DNAH9: variants seen among roughly 807,000 people sequenced by gnomAD.
DNAH9 encodes dynein axonemal heavy chain 9, also known as DNAH9 variant protein.
In DNAH9, 345 loss-of-function variants were observed where a neutral mutation model predicts 471.6. The ratio of observed to expected loss-of-function variants is 0.73; its 90% CI spans 0.67 to 0.80. The LOEUF is 0.80. Ranked by LOEUF, DNAH9 falls within the 30% of genes least tolerant of loss-of-function variation. DNAH9 has a pLI of 0.00. For synonymous variants in DNAH9, 2,093 were observed against 2,123.6 expected, an observed-to-expected ratio of 0.99 and a Z score of 0.40; for missense variants, 5,407 against 5,609.2, an observed-to-expected ratio of 0.96 and a Z score of 1.15.
chr17:11,839,301 G>A (rs186498019), intron 49 of DNAH9, among the ~76,000 whole-genome samples: 1,741 of 152,202 alleles, frequency 0.011, 28 homozygotes, highest in African/African-American at 0.038. Context: ...CGGATCACGA[G>A]GTCAGGAGAT....
chr17:11,905,572 T>C lies in DNAH9; in HGVS notation c.11601-89T>C, dbSNP rs1262177584. 8 of 1,420,518 alleles carry C rather than the reference T, an allele frequency of 5.6e-6. No homozygotes were observed. In the African/African-American group the frequency reaches 1.1e-4, roughly 20 times the overall value. The allele number at this position is 1,420,518 out of a possible 1,614,324, so 88.0% of individuals were successfully genotyped here. ...CTAGCCCATGACCTTGAGCATGTTC[T>C]TTCATTTCTATAGGCCTCTATTTCT... On this transcript the variant is annotated intron_variant, in intron 60 of 68. Transcript: ENST00000262442.
chr17:11,730,526 G>A lies in DNAH9; in HGVS notation c.5814+2604G>A, dbSNP rs771389077. Among the ~76,000 whole-genome samples the A allele has an allele frequency of 9.9e-5, 15 of 152,236 alleles. No individual in the cohort carries two copies. In the South Asian group the frequency reaches 3.1e-3, roughly 32 times the overall value. ...TGGTCACTTCACAACCTGGAATAAGGAATAATGCCAGTGTTCAATGCTGTC... is the reference window on the plus strand; with the variant it reads ...TGGTCACTTCACAACCTGGAATAAGAAATAATGCCAGTGTTCAATGCTGTC... On this transcript the variant is annotated intron_variant, in intron 28 of 68. Transcript: ENST00000262442.
At position 11,733,783 on chromosome 17, in the gene DNAH9, C is replaced by G. The variant is rs1217070393; in HGVS notation, c.5815-5097C>G. Among the ~76,000 whole-genome samples, 3 of 146,598 alleles carry G rather than the reference C, an allele frequency of 2.0e-5. No individual in the cohort carries two copies. In the Admixed American group the frequency reaches 2.1e-4, roughly 10 times the overall value. On this transcript the variant is annotated intron_variant, in intron 28 of 68. Transcript: ENST00000262442. ...TGAGGCAGGGGAATGGCGGTGTGAA[C>G]CCGGGAGGTGGAGCTTGCAGTGAGC...
At chr17:11,820,933 A>AT (rs112467608) in intron 45 of DNAH9, among the ~76,000 whole-genome samples, 2,723 of 152,108 alleles carry the variant, frequency 0.018, 72 homozygotes, top group African/African-American at 0.062. Flanking sequence ...ATTTCCCTGC[A>AT]TTTTTTATAG....
At chr17:11,794,772 A>C (rs1969185091) in intron 42 of DNAH9, among the ~76,000 whole-genome samples, 1 of 152,184 alleles carries the variant, frequency 6.6e-6, no homozygotes, top group Non-Finnish European at 1.5e-5. Context: ...GTTTTGCTAC[A>C]AGATACTTCT....
rs1261911831 is a variant in DNAH9, at chr17:11,747,781, C to A, written c.6610+15C>A. On this transcript the variant is annotated intron_variant, in intron 32 of 68. Coordinates refer to ENST00000262442, the MANE Select transcript of DNAH9 (RefSeq NM_001372.4). ...ATGGAAGGATGGTAAGAGTGGGATT[C>A]TCCCAGGAGAAAGTCTCTGCTAGCC... 6.2e-7 allele frequency: 1 copy of A among 1,607,574 alleles called. No homozygotes were observed. Among genetic ancestry groups the A allele is most frequent in the East Asian group, 2.2e-5 (1 of 44,812 alleles).
Position 11,902,780 on chromosome 17 carries a change from G to C in DNAH9, c.11468G>C (p.Ser3823Thr), listed in dbSNP as rs757955189. The change falls in exon 60 of 69, where the codon AGC (serine) becomes ACC (threonine). Residue 3823 changes from serine to threonine, a missense_variant. By Grantham distance (58) the Ser-to-Thr change is moderately conservative. Around this residue, in one of 3 missense-constraint regions of DNAH9, gnomAD observed 4,636 missense variants for 4,900.3 expected, o/e 0.95. Coordinates refer to ENST00000262442, the MANE Select transcript of DNAH9 (RefSeq NM_001372.4). ...CGGGACATAGAGGGATCTGCTAAGAGCTGGAAAAAGTTTGTGGAGTCCGAA... is the reference window on the plus strand; with the variant it reads ...CGGGACATAGAGGGATCTGCTAAGACCTGGAAAAAGTTTGTGGAGTCCGAA... ...LDRDIEGSAK[S>T]WKKFVESECP... The C allele has an allele frequency of 5.0e-6, 8 of 1,613,928 alleles. No individual in the cohort carries two copies. Among genetic ancestry groups the C allele is most frequent in the East Asian group, 2.2e-5 (1 of 44,884 alleles).
At chr17:11,855,398 T>C (rs977567406) in intron 50 of DNAH9, among the ~76,000 whole-genome samples, 1 of 152,226 alleles carries the variant, frequency 6.6e-6, no homozygotes, top group Non-Finnish European at 1.5e-5. Context: ...TTTCACTTCC[T>C]TTCCAAAGAG....
intron 49 of DNAH9, among the ~76,000 whole-genome samples, chr17:11,847,895 G>C (rs1006300418): frequency 6.6e-6 from 1 of 151,682 alleles, no homozygotes. Context: ...TGAGATCCCG[G>C]TAGTCATTTC....
In DNAH9 at chr17:11,793,654, AAACTT is replaced by A; in HGVS notation, c.8214_8218del (p.Lys2738AsnfsTer2). On this transcript the variant is annotated frameshift_variant, in exon 42 of 69. Transcript: ENST00000262442. LOFTEE classifies it high-confidence loss of function. ...AAAATCCAGACAGAAGTGCTCAAGA[AAACTT>A]TTGATGTGAGTATTGCCCTATGGAT... The A allele has an allele frequency of 5.6e-6, 9 of 1,611,148 alleles. No homozygotes were observed. Among genetic ancestry groups the A allele is most frequent in the Non-Finnish European group, 7.6e-6 (9 of 1,179,176 alleles).
chr17:11,899,952 A>T (rs1012066785), intron 59 of DNAH9, among the ~76,000 whole-genome samples: 1 of 152,212 alleles, frequency 6.6e-6, no homozygotes, highest in African/African-American at 2.4e-5. Flanking sequence ...TGTGGGAGTA[A>T]CAGGCAAGTA....
At chr17:11,647,422 A>G (rs541649351) in intron 12 of DNAH9, among the ~76,000 whole-genome samples, 1 of 152,146 alleles carries the variant, frequency 6.6e-6, no homozygotes, top group African/African-American at 2.4e-5. Flanking sequence ...TTATAAGAAC[A>G]TGCAAAAGAT....
chr17:11,821,515 G>GC (rs1970308974), intron 45 of DNAH9, among the ~76,000 whole-genome samples: 1 of 151,934 alleles, frequency 6.6e-6, no homozygotes, highest in Non-Finnish European at 1.5e-5. Flanking sequence ...GTTTGTTATG[G>GC]CCCTTTTTGC....
chr17:11,902,856 G>T lies in DNAH9; in HGVS notation c.11544G>T (p.Leu3848=). Reference sequence around the variant, plus strand: ...AGGAGTGGAAGAACAAGACAGCCCTGCAGCGCCTCTGCATGCTGAGAGCCA... The same window carrying T: ...AGGAGTGGAAGAACAAGACAGCCCTTCAGCGCCTCTGCATGCTGAGAGCCA... ...LPQEWKNKTA[L]QRLCMLRAMR... Residue 3848 remains leucine (L), a synonymous_variant, in exon 60 of 69, where the codon CTG becomes CTT. Coordinates refer to ENST00000262442, the MANE Select transcript of DNAH9 (RefSeq NM_001372.4). 2 of 1,613,974 alleles carry T rather than the reference G, an allele frequency of 1.2e-6. No individual in the cohort carries two copies. Among genetic ancestry groups the T allele is most frequent in the Non-Finnish European group, 1.7e-6 (2 of 1,179,872 alleles).
chr17:11,754,632 A>C (rs1967298479), intron 33 of DNAH9, among the ~76,000 whole-genome samples: 1 of 152,164 alleles, frequency 6.6e-6, no homozygotes, highest in Non-Finnish European at 1.5e-5. Context: ...TGTCATCTTT[A>C]GAAAAGTGTC....
intron 49 of DNAH9, among the ~76,000 whole-genome samples, chr17:11,850,521 G>C (rs1027969531): frequency 5.9e-5 from 9 of 152,202 alleles, no homozygotes; most frequent in Admixed American, 2.0e-4. Flanking sequence ...GGTGGCGGGT[G>C]CCTGTAATCC....
chr17:11,923,071 GGT>G (rs149807744), intron 61 of DNAH9, among the ~76,000 whole-genome samples: 28,417 of 151,056 alleles, frequency 0.19, 2,737 homozygotes, highest in East Asian at 0.28. Context: ...TGTTTGTTTT[GGT>G]TTTTGTTTTG....
At chr17:11,674,693 T>C (rs1356729343) in intron 17 of DNAH9, among the ~76,000 whole-genome samples, 1 of 152,240 alleles carries the variant, frequency 6.6e-6, no homozygotes, top group African/African-American at 2.4e-5. Context: ...TTAATTTGTG[T>C]GGCCAAATGT....
intron 42 of DNAH9, 134 bp downstream of exon 42, chr17:11,793,798 T>C (rs377639682): frequency 2.6e-6 from 2 of 771,552 alleles, no homozygotes; most frequent in African/African-American, 1.8e-5. Flanking sequence ...AATTCTGTCA[T>C]AATTTTGCCC....
Sources: gnomAD v4.1 joint callset for allele counts (sites outside exome capture counted in the v4.1 genomes callset) on GRCh38, gnomAD v4.1.1 for gene constraint, gnomAD v4.1.1 regional missense constraint, MANE v1.5 for transcripts, NCBI Gene and HGNC (gene_info 2026-07-23, HGNC 2026-07-21) for gene names.